OXR1: variants seen among roughly 807,000 people sequenced by gnomAD.
OXR1 encodes the protein oxidation resistance 1, also known as oxidation resistance protein 1.
OXR1 carries 41 observed loss-of-function variants against 104.6 expected under a neutral mutation model. The ratio of observed to expected loss-of-function variants is 0.39; its 90% confidence interval spans 0.31 to 0.51. OXR1 has a LOEUF of 0.51. Among genes scored for constraint, OXR1 ranks in the 20% least tolerant of loss-of-function variants. OXR1 has a pLI of 0.77. For missense variants in OXR1, 955 were observed against 1,031.9 expected (o/e 0.93, Z 1.02); for synonymous variants, 348 against 348.4 (o/e 1.00, Z 0.01).
At chr8:106,400,760 T>C (rs1817967252) in intron 2 of OXR1, among the ~76,000 whole-genome samples, 1 of 152,158 alleles carries the variant, frequency 6.6e-6, no homozygotes. Flanking sequence ...TGAATCACAC[T>C]TAGAGACAGA....
intron 1 of OXR1, among the ~76,000 whole-genome samples, chr8:106,302,594 A>G (rs566353056): frequency 6.6e-6 from 1 of 151,986 alleles, no homozygotes; most frequent in South Asian, 2.1e-4. Flanking sequence ...TCAAAAAAAA[A>G]AAAAACAAGA....
chr8:106,443,611 T>C (rs1422669848), intron 2 of OXR1, among the ~76,000 whole-genome samples: 8 of 152,158 alleles, frequency 5.3e-5, no homozygotes, highest in Non-Finnish European at 1.0e-4. Context: ...GTGCATATAA[T>C]TTAGTATAAT....
At chr8:106,339,542 ATATATATATATAT>A (rs1815148378) in intron 1 of OXR1, among the ~76,000 whole-genome samples, 5 of 127,482 alleles carry the variant, frequency 3.9e-5, no homozygotes, top group East Asian at 2.4e-4. Context: ...ATATATATAT[ATATATATATATAT>A]AAAACGAAAT....
chr8:106,426,818 T>C (rs928912854), intron 2 of OXR1, among the ~76,000 whole-genome samples: 1 of 152,184 alleles, frequency 6.6e-6, no homozygotes, highest in Admixed American at 6.5e-5. Context: ...AAACATTCAA[T>C]AAATATTGGA....
intron 7 of OXR1, among the ~76,000 whole-genome samples, chr8:106,701,448 A>C (rs1376019131): frequency 2.0e-5 from 3 of 152,230 alleles, no homozygotes; most frequent in African/African-American, 4.8e-5. Flanking sequence ...GAACCAGGTG[A>C]ATTCACAGAG....
At chr8:106,669,558 G>GT (rs553177960) in intron 3 of OXR1, among the ~76,000 whole-genome samples, 169 of 147,188 alleles carry the variant, frequency 1.1e-3, no homozygotes, top group African/African-American at 2.0e-3. Flanking sequence ...TCAGCAATCT[G>GT]TTTTTTTTTT....
intron 16 of OXR1, among the ~76,000 whole-genome samples, chr8:106,750,573 G>A (rs1288795941): frequency 9.9e-5 from 15 of 151,570 alleles, no homozygotes; most frequent in African/African-American, 3.4e-4. Context: ...CAGGTGATCC[G>A]CTGGCCTCGG....
At chr8:106,358,642 A>G (rs1816090749) in intron 1 of OXR1, among the ~76,000 whole-genome samples, 1 of 152,216 alleles carries the variant, frequency 6.6e-6, no homozygotes, top group African/African-American at 2.4e-5. Context: ...CTGACTGAAT[A>G]AAGTGCTAAC....
At chr8:106,556,450 C>T (rs1024423881) in intron 3 of OXR1, among the ~76,000 whole-genome samples, 2 of 152,066 alleles carry the variant, frequency 1.3e-5, no homozygotes, top group African/African-American at 2.4e-5. Context: ...GATAAGAAGC[C>T]AGTCATGTAA....
chr8:106,701,825 A>G lies in OXR1; in HGVS notation c.676-1081A>G, dbSNP rs28921406. Among the ~76,000 whole-genome samples the G allele has an allele frequency of 3.1e-3, 476 of 152,348 alleles. 5 individuals carry two copies. The highest frequency in any genetic ancestry group is 0.011 in the African/African-American group (460 of 41,594). On this transcript the variant is annotated intron_variant, in intron 7 of 16. Transcript: ENST00000517566. ...AGAGCTATGATTGTGAAGATCAAAT[A>G]AGCAATATGCATATAAAGCATGGTA...
chr8:106,326,518 T>C (rs1212263054), intron 1 of OXR1, among the ~76,000 whole-genome samples: 1 of 152,284 alleles, frequency 6.6e-6, no homozygotes, highest in Non-Finnish European at 1.5e-5. Context: ...TGATTTCTGC[T>C]TCTGATTAGA....
At position 106,649,318 on chromosome 8, in the gene OXR1, G is replaced by A. The variant is rs181146981; in HGVS notation, c.221-29892G>A. 3.8e-3 allele frequency among the ~76,000 whole-genome samples: 578 copies of A among 151,706 alleles called. 1 individual carries two copies. Among genetic ancestry groups the A allele is most frequent in the African/African-American group, 0.013 (546 of 41,356 alleles). ...CATATATACACATACTAATCCCTAT[G>A]TAAATATATGCATACAAAATTTACA... On this transcript the variant is annotated intron_variant, in intron 3 of 16. Transcript: ENST00000517566.
At chr8:106,479,706 A>G (rs1233929341) in intron 2 of OXR1, among the ~76,000 whole-genome samples, 1 of 152,068 alleles carries the variant, frequency 6.6e-6, no homozygotes, top group African/African-American at 2.4e-5. Context: ...TAGCATTTTC[A>G]TAAAGATCCA....
chr8:106,626,884 A>G (rs1424042324), intron 3 of OXR1, among the ~76,000 whole-genome samples: 1 of 151,678 alleles, frequency 6.6e-6, no homozygotes, highest in Non-Finnish European at 1.5e-5. Flanking sequence ...TGTGCTCAAT[A>G]ACTTTTGTAA....
intron 2 of OXR1, among the ~76,000 whole-genome samples, chr8:106,414,181 T>C (rs1818576646): frequency 6.6e-6 from 1 of 152,164 alleles, no homozygotes; most frequent in African/African-American, 2.4e-5. Context: ...TATTTGGGAC[T>C]TTATTTCATG....
intron 2 of OXR1, among the ~76,000 whole-genome samples, chr8:106,497,002 A>T (rs1383886025): frequency 2.0e-5 from 3 of 152,154 alleles, no homozygotes; most frequent in African/African-American, 7.2e-5. Flanking sequence ...TTTTTGCACC[A>T]TTCTGGGCAC....
intron 1 of OXR1, among the ~76,000 whole-genome samples, chr8:106,337,877 G>A (rs1402389665): frequency 6.6e-6 from 1 of 152,052 alleles, no homozygotes; most frequent in Non-Finnish European, 1.5e-5. Context: ...AGTTAAAATT[G>A]TACATAATAA....
chr8:106,622,773 T>C (rs1821829934), intron 3 of OXR1, among the ~76,000 whole-genome samples: 1 of 152,186 alleles, frequency 6.6e-6, no homozygotes, highest in Non-Finnish European at 1.5e-5. Context: ...TTTTTTTCTT[T>C]TTCTCCTTAC....
chr8:106,638,746 A>T (rs1823367590), intron 3 of OXR1, among the ~76,000 whole-genome samples: 1 of 152,194 alleles, frequency 6.6e-6, no homozygotes, highest in South Asian at 2.1e-4. Flanking sequence ...TACAAAAATT[A>T]GCTGGGCGTG....
Sources: allele counts gnomAD v4.1 joint callset (sites outside exome capture counted in the v4.1 genomes callset), GRCh38; gene constraint gnomAD v4.1.1; transcripts MANE v1.5; gene names NCBI Gene and HGNC (gene_info 2026-07-23, HGNC 2026-07-21).